The following SMYD2 variants were observed in gnomAD, a reference collection of about 807,000 sequenced individuals.
The protein encoded by SMYD2 is SET and MYND domain containing 2.
SMYD2 carries 53 observed loss-of-function variants against 59.1 expected under a neutral mutation model. The ratio of observed to expected loss-of-function variants is 0.90; its 90% CI spans 0.72 to 1.13. The LOEUF (loss-of-function observed/expected upper bound fraction) is 1.13, where lower values mean the gene tolerates loss of function less well. Among genes scored for constraint, SMYD2 ranks in the 50% most tolerant of loss-of-function variants. The pLI, the probability that SMYD2 is intolerant of heterozygous loss-of-function variation, is 0.00. For missense variants in SMYD2, 494 were observed against 544.7 expected, an observed-to-expected ratio of 0.91 and a Z score of 0.93; for synonymous variants, 208 against 198.8, an observed-to-expected ratio of 1.05 and a Z score of -0.39.
At chr1:214,289,832 T>A (rs2102453847) in intron 1 of SMYD2, among the ~76,000 whole-genome samples, 1 of 152,366 alleles carries the variant, frequency 6.6e-6, no homozygotes, top group East Asian at 1.9e-4. Flanking sequence ...GTTCTGACAC[T>A]TGAGGGAGGC....
At chr1:214,308,935 C>G (rs917199203) in intron 2 of SMYD2, among the ~76,000 whole-genome samples, 4 of 152,126 alleles carry the variant, frequency 2.6e-5, no homozygotes, top group African/African-American at 7.2e-5. Context: ...AGAGAAGTGG[C>G]CTTCAGTGGA....
chr1:214,328,836 A>G (rs1218111542), intron 7 of SMYD2, among the ~76,000 whole-genome samples: 1 of 152,134 alleles, frequency 6.6e-6, no homozygotes, highest in East Asian at 1.9e-4. Context: ...TGAGTTTCCA[A>G]AGGTCTTATG....
chr1:214,302,895 A>G (rs961041225), intron 1 of SMYD2, among the ~76,000 whole-genome samples: 3 of 152,184 alleles, frequency 2.0e-5, no homozygotes, highest in Non-Finnish European at 4.4e-5. Context: ...CTTTTTAACC[A>G]TGATAATTTT....
In SMYD2 at chr1:214,336,893, A is replaced by G. The variant is rs987375475; in HGVS notation, c.*109A>G. On this transcript the variant is annotated 3_prime_UTR_variant, in exon 12 of 12. Coordinates refer to ENST00000366957, the MANE Select transcript of SMYD2 (RefSeq NM_020197.3). ...TCCAGCATCTCTGTAAAATAATTGG[A>G]ATGAAAATACTTCTTGCACTTAAAC... The G allele has an allele frequency of 2.1e-6, 2 of 974,718 alleles. No individual in the cohort carries two copies. Among genetic ancestry groups the G allele is most frequent in the African/African-American group, 3.3e-5 (2 of 60,310 alleles). 60.4% of individuals were successfully genotyped at this position (974,718 alleles called of 1,614,324 possible).
intron 2 of SMYD2, among the ~76,000 whole-genome samples, chr1:214,313,804 G>A (rs1234035156): frequency 6.6e-6 from 1 of 152,088 alleles, no homozygotes; most frequent in Non-Finnish European, 1.5e-5. Flanking sequence ...CTCAAGTGAT[G>A]GCGCCTCCAC....
chr1:214,281,402 A>G lies in SMYD2; in HGVS notation c.148A>G (p.Asn50Asp). 6.9e-7 allele frequency: 1 copy of G among 1,459,834 alleles called. No individual in the cohort carries two copies. The highest frequency in any genetic ancestry group is 2.8e-5 in the East Asian group (1 of 36,112). The allele number at this position is 1,459,834 out of a possible 1,614,324, so 90.4% of individuals were successfully genotyped here. ...AYVLTVNERG[N>D]HCEYCFTRKE... ...CGTGCTCACGGTCAACGAGCGGGGC[A>G]ACCACTGCGAGTACTGCTTCACCAG... Residue 50 changes from asparagine (N) to aspartate (D), a missense_variant, in exon 1 of 12, where the codon AAC becomes GAC. Physicochemically the swap from Asn to Asp is conservative, Grantham distance 23 (BLOSUM62 1). Transcript: ENST00000366957.
In SMYD2 at chr1:214,318,497, A is replaced by G. The variant is rs1558055105; in HGVS notation, c.409+358A>G. On this transcript the variant is annotated intron_variant, in intron 4 of 11. Coordinates refer to ENST00000366957, the MANE Select transcript of SMYD2 (RefSeq NM_020197.3). This position sits in a 1 kb window ranked among gnomAD's most constrained non-coding sequence, Gnocchi z 5.4. ...AAAGCCGTGAAATCAGGGGTTGTCC[A>G]GTTGTTTGACCACGGCCCAGATTCC... is the stretch of plus-strand genomic sequence containing the variant. Among the ~76,000 whole-genome samples, 1 of 152,264 alleles carries G rather than the reference A, an allele frequency of 6.6e-6. No homozygotes were observed. The highest frequency in any genetic ancestry group is 1.9e-4 in the East Asian group (1 of 5,168).
At chr1:214,295,530 A>G (rs1219203938) in intron 1 of SMYD2, among the ~76,000 whole-genome samples, 1 of 152,180 alleles carries the variant, frequency 6.6e-6, no homozygotes, top group Non-Finnish European at 1.5e-5. Context: ...TGTAAATTAC[A>G]GCTCCGGTTC....
At chr1:214,306,296 C>T (rs775124979) in intron 2 of SMYD2, among the ~76,000 whole-genome samples, 43 of 151,944 alleles carry the variant, frequency 2.8e-4, no homozygotes, top group Non-Finnish European at 2.1e-4. Context: ...CACCTCCCTA[C>T]ACTGTTGGCT....
rs148898772 is a variant in SMYD2, at chr1:214,319,653, A to G, written c.534+670A>G. ...GTTAGGACGAGAGAACAAAGGGTGC[A>G]GTGGCCATGCCTCGGGGAACACACA... On this transcript the variant is annotated intron_variant, in intron 5 of 11. Transcript: ENST00000366957. Among the ~76,000 whole-genome samples, 382 of 152,354 alleles carry G rather than the reference A, an allele frequency of 2.5e-3. 3 individuals are homozygous for G. The highest frequency in any genetic ancestry group is 8.2e-3 in the African/African-American group (342 of 41,594).
chr1:214,318,268 AT>A lies in SMYD2; in HGVS notation c.409+134del. On this transcript the variant is annotated intron_variant, in intron 4 of 11. Transcript: ENST00000366957. The surrounding 1 kb of genome is among the most constrained non-coding windows in gnomAD (Gnocchi z 5.4). The stretch of plus-strand genomic sequence containing the variant: ...GTGATTTCTTTGATTACTAGTTTTT[AT>A]TTTTACTCTTGTGCTGTTTCGAAAA... 1 of 814,676 alleles carries A rather than the reference AT, an allele frequency of 1.2e-6. No individual in the cohort carries two copies. The highest frequency in any genetic ancestry group is 1.8e-5 in the African/African-American group (1 of 57,018). 50.5% of individuals were successfully genotyped at this position (814,676 alleles called of 1,614,324 possible).
chr1:214,281,237 C>G lies in SMYD2; in HGVS notation c.-18C>G, dbSNP rs1656434759. On this transcript the variant is annotated 5_prime_UTR_variant, in exon 1 of 12. Coordinates refer to ENST00000366957, the MANE Select transcript of SMYD2 (RefSeq NM_020197.3). ...GCCGCAGCTCGGGCACAGCCGGCGG[C>G]CGCGCCCCGCCGCCACCATGAGGGC... 8.1e-7 allele frequency: 1 copy of G among 1,230,522 alleles called. No homozygotes were observed. The highest frequency in any genetic ancestry group is 4.3e-5 in the Admixed American group (1 of 23,198). The allele number at this position is 1,230,522 out of a possible 1,614,324, so 76.2% of individuals were successfully genotyped here.
intron 3 of SMYD2, among the ~76,000 whole-genome samples, chr1:214,317,673 C>T (rs539698523): frequency 6.6e-6 from 1 of 152,322 alleles, no homozygotes; most frequent in South Asian, 2.1e-4. Flanking sequence ...TCATTTTAGC[C>T]TATGCTTAAA....
At chr1:214,331,898 A>C in intron 9 of SMYD2, 120 bp from the exon 10 acceptor site, 1 of 856,084 alleles carries the variant, frequency 1.2e-6, no homozygotes, top group Non-Finnish European at 1.7e-6. Flanking sequence ...GGCTTTCTGT[A>C]AGTTACTTTT....
chr1:214,307,073 T>G (rs1656927143), intron 2 of SMYD2, among the ~76,000 whole-genome samples: 1 of 152,254 alleles, frequency 6.6e-6, no homozygotes, highest in Non-Finnish European at 1.5e-5. Flanking sequence ...CTCTGGAGGC[T>G]GAGGCTGGAG....
At chr1:214,295,322 G>C (rs1210290643) in intron 1 of SMYD2, among the ~76,000 whole-genome samples, 1 of 152,200 alleles carries the variant, frequency 6.6e-6, no homozygotes, top group Non-Finnish European at 1.5e-5. Context: ...GTGTTGTCCA[G>C]GGGCTGAAAA....
chr1:214,303,953 C>T (rs6687411), intron 1 of SMYD2, among the ~76,000 whole-genome samples: 79,377 of 152,102 alleles, frequency 0.52, 21,584 homozygotes, highest in African/African-American at 0.68. Context: ...CAGGTTTTAC[C>T]GATTGCGCTC....
intron 11 of SMYD2, among the ~76,000 whole-genome samples, chr1:214,336,231 CT>C (rs1297841329): frequency 6.6e-6 from 1 of 151,940 alleles, no homozygotes; most frequent in African/African-American, 2.4e-5. Context: ...TGGTCTTCTC[CT>C]TTTTTAAAAA....
chr1:214,327,733 A>G lies in SMYD2; in HGVS notation c.705+9A>G. On this transcript the variant is annotated intron_variant, in intron 7 of 11. Coordinates refer to ENST00000366957, the MANE Select transcript of SMYD2 (RefSeq NM_020197.3). The stretch of plus-strand genomic sequence containing the variant: ...TCAAGCCGGGAGAGGAGGTGAGTTC[A>G]TGGCTATGGGTGGCTGCAGCAGGGG... 2 of 1,612,598 alleles carry G rather than the reference A, an allele frequency of 1.2e-6. No homozygotes were observed. Among genetic ancestry groups the G allele is most frequent in the Non-Finnish European group, 1.7e-6 (2 of 1,178,608 alleles).
Sources: gnomAD v4.1 joint callset for allele counts (sites outside exome capture counted in the v4.1 genomes callset) on GRCh38, gnomAD v4.1.1 for gene constraint, Gnocchi (gnomAD v3.1) non-coding constraint, MANE v1.5 for transcripts, NCBI Gene and HGNC (gene_info 2026-07-23, HGNC 2026-07-21) for gene names.